FGF14: variants seen among roughly 807,000 people sequenced by gnomAD.
The protein encoded by FGF14 is fibroblast growth factor 14, also known as fibroblast growth factor homologous factor 4.
In FGF14, 5 loss-of-function variants were observed where a neutral mutation model predicts 25.5. The observed-to-expected ratio is 0.20, with a 90% CI of 0.10 to 0.41. The LOEUF (loss-of-function observed/expected upper bound fraction) is 0.41. Ranked by LOEUF, FGF14 falls within the 10% of genes least tolerant of loss-of-function variation. FGF14 has a pLI of 1.00. For synonymous variants in FGF14, 138 were observed against 118.3 expected (o/e 1.17, Z -1.08); for missense variants, 222 against 320.1 (o/e 0.69, Z 2.34).
chr13:102,304,588 C>T (rs1040935718), intron 1 of FGF14, among the ~76,000 whole-genome samples: 1 of 152,134 alleles, frequency 6.6e-6, no homozygotes, highest in East Asian at 1.9e-4. Flanking sequence ...CTTCTATGGG[C>T]CCCTCTCATA....
intron 3 of FGF14, among the ~76,000 whole-genome samples, chr13:101,753,964 A>G (rs1289432663): frequency 6.6e-6 from 1 of 152,196 alleles, no homozygotes; most frequent in Non-Finnish European, 1.5e-5. Context: ...TGCCCATGAA[A>G]AAAACAAAAA....
intron 1 of FGF14, among the ~76,000 whole-genome samples, chr13:102,198,396 G>C (rs2140865362): frequency 6.6e-6 from 1 of 152,298 alleles, no homozygotes; most frequent in East Asian, 1.9e-4. Flanking sequence ...TTTAATTGTA[G>C]CCCTCTAGAG....
chr13:102,130,387 G>A (rs917016292), intron 1 of FGF14, among the ~76,000 whole-genome samples: 1 of 152,042 alleles, frequency 6.6e-6, no homozygotes, highest in Admixed American at 6.6e-5. Context: ...CTCCATCTTT[G>A]CCCGAAATGA....
chr13:102,259,773 T>C (rs1201999890), intron 1 of FGF14, among the ~76,000 whole-genome samples: 1 of 152,214 alleles, frequency 6.6e-6, no homozygotes, highest in Non-Finnish European at 1.5e-5. Flanking sequence ...CATCCCATAC[T>C]AGCCCAAGAT....
chr13:102,318,809 C>G (rs979905965), intron 1 of FGF14, among the ~76,000 whole-genome samples: 5 of 152,102 alleles, frequency 3.3e-5, no homozygotes, highest in African/African-American at 1.2e-4. Flanking sequence ...ACGTTTCAAC[C>G]CATAACTCCA....
chr13:101,965,416 G>T (rs2037129791), intron 1 of FGF14, among the ~76,000 whole-genome samples: 1 of 152,026 alleles, frequency 6.6e-6, no homozygotes, highest in Non-Finnish European at 1.5e-5. Flanking sequence ...TATATAAAAT[G>T]ATGAAAAATT....
chr13:102,272,580 G>A (rs1377358650), intron 1 of FGF14, among the ~76,000 whole-genome samples: 2 of 152,056 alleles, frequency 1.3e-5, no homozygotes, highest in African/African-American at 4.8e-5. Flanking sequence ...CGGCACACAA[G>A]GTCCTGTCCT....
At chr13:102,391,161 T>C (rs910656322) in intron 1 of FGF14, among the ~76,000 whole-genome samples, 6 of 152,110 alleles carry the variant, frequency 3.9e-5, no homozygotes, top group African/African-American at 1.4e-4. Flanking sequence ...TTGAAAAACA[T>C]GACTAAAAAA....
intron 3 of FGF14, among the ~76,000 whole-genome samples, chr13:101,857,301 A>G (rs2140393603): frequency 6.6e-6 from 1 of 152,108 alleles, no homozygotes; most frequent in South Asian, 2.1e-4. Flanking sequence ...AGCCTCACAA[A>G]AAATACGTTA....
At chr13:101,984,580 C>T (rs2038457422) in intron 1 of FGF14, among the ~76,000 whole-genome samples, 1 of 152,088 alleles carries the variant, frequency 6.6e-6, no homozygotes, top group Admixed American at 6.6e-5. Flanking sequence ...ATGTTCAATT[C>T]TACATTATTA....
chr13:102,389,860 T>C (rs2058391346), intron 1 of FGF14, among the ~76,000 whole-genome samples: 1 of 152,186 alleles, frequency 6.6e-6, no homozygotes, highest in Non-Finnish European at 1.5e-5. Flanking sequence ...CTCTGAGTGA[T>C]AAAATCCCCT....
intron 3 of FGF14, among the ~76,000 whole-genome samples, chr13:101,776,823 T>G (rs990606224): frequency 6.6e-6 from 1 of 152,218 alleles, no homozygotes. Context: ...TTCTCACAGT[T>G]CTGGAGGCTG....
At chr13:102,060,114 A>G (rs760869133) in intron 1 of FGF14, among the ~76,000 whole-genome samples, 3 of 152,042 alleles carry the variant, frequency 2.0e-5, no homozygotes, top group Non-Finnish European at 4.4e-5. Context: ...GGATTTGTGG[A>G]TCACAGATGC....
chr13:102,322,642 T>C (rs1352138358), intron 1 of FGF14, among the ~76,000 whole-genome samples: 1 of 152,186 alleles, frequency 6.6e-6, no homozygotes, highest in Non-Finnish European at 1.5e-5. Flanking sequence ...ATGATTTCCT[T>C]TTGGTACAAT....
At chr13:102,352,242 TACACACACAC>T (rs56774921) in intron 1 of FGF14, among the ~76,000 whole-genome samples, 4,061 of 137,324 alleles carry the variant, frequency 0.03, 88 homozygotes, top group African/African-American at 0.057. Flanking sequence ...TGTACCTTTA[TACACACACAC>T]ACACACACAC....
chr13:102,251,587 G>A (rs1236249635), intron 1 of FGF14, among the ~76,000 whole-genome samples: 1 of 152,186 alleles, frequency 6.6e-6, no homozygotes, highest in Admixed American at 6.5e-5. Flanking sequence ...AGGAGGGCTA[G>A]AGTCCAGTAG....
intron 1 of FGF14, among the ~76,000 whole-genome samples, chr13:102,223,942 T>A (rs905739536): frequency 1.3e-5 from 2 of 152,132 alleles, no homozygotes; most frequent in Non-Finnish European, 2.9e-5. Context: ...CAGAATAACA[T>A]AATGGTAATA....
chr13:102,049,718 A>C (rs1032394733), intron 1 of FGF14, among the ~76,000 whole-genome samples: 8 of 152,096 alleles, frequency 5.3e-5, no homozygotes, highest in Non-Finnish European at 1.2e-4. Flanking sequence ...TAGCATCCTT[A>C]TAAAAAGGGG....
chr13:102,034,615 A>G (rs2041379892), intron 1 of FGF14, among the ~76,000 whole-genome samples: 1 of 152,136 alleles, frequency 6.6e-6, no homozygotes, highest in Non-Finnish European at 1.5e-5. Flanking sequence ...CATAAGAGCT[A>G]TTTTAATGAA....
Sources: allele counts gnomAD v4.1 joint callset (sites outside exome capture counted in the v4.1 genomes callset), GRCh38; gene constraint gnomAD v4.1.1; transcripts MANE v1.5; gene names NCBI Gene and HGNC (gene_info 2026-07-23, HGNC 2026-07-21).